C5orf34: variants seen among roughly 807,000 people sequenced by gnomAD.
The protein encoded by C5orf34 is uncharacterized protein C5orf34.
A neutral mutation model predicts 78.4 loss-of-function variants in C5orf34; 73 were observed. That is an observed-to-expected ratio of 0.93 (90% CI 0.77 to 1.13). C5orf34 has a LOEUF of 1.13. Among genes scored for constraint, C5orf34 ranks in the 50% most tolerant of loss-of-function variants. The pLI, the probability that C5orf34 is intolerant of heterozygous loss-of-function variation, is 0.00. For missense variants in C5orf34, 730 were observed against 732.7 expected, an observed-to-expected ratio of 1.00 and a Z score of 0.04; for synonymous variants, 251 against 246.6, an observed-to-expected ratio of 1.02 and a Z score of -0.17.
At chr5:43,492,077 G>A in intron 10 of C5orf34, 138 bp downstream of exon 10, 1 of 463,488 alleles carries the variant, frequency 2.2e-6, no homozygotes, top group Non-Finnish European at 3.9e-6. Flanking sequence ...TATCAACTCT[G>A]AAACGACTGA....
chr5:43,510,869 T>TGGGAA (rs997202683), intron 1 of C5orf34, among the ~76,000 whole-genome samples: 4 of 152,328 alleles, frequency 2.6e-5, no homozygotes, highest in Admixed American at 2.6e-4. Flanking sequence ...CCACCCCATC[T>TGGGAA]GGGAAGTGAG....
At chr5:43,510,939 C>T (rs190128658) in intron 1 of C5orf34, 1 of 200,274 alleles carries the variant, frequency 5.0e-6, no homozygotes, top group Non-Finnish European at 1.0e-5. Flanking sequence ...GCCCGACTGC[C>T]CAGTCTGGGA....
intron 5 of C5orf34, among the ~76,000 whole-genome samples, chr5:43,503,190 T>C (rs921830885): frequency 3.5e-4 from 53 of 152,160 alleles, no homozygotes; most frequent in African/African-American, 1.2e-3. Context: ...TGTCCTTTGT[T>C]GTGGGGTATG....
At position 43,492,758 on chromosome 5, in the gene C5orf34, G is replaced by A; in HGVS notation, c.1447C>T (p.Leu483=). The part of the protein sequence containing the change: ...AIFLDGITLT[L]NWNFSSPIEK... ...ATAGGAGAGCTGAAATTCCAATTTA[G>A]GGTTAGAGTAATGCCATCTAAAAAG... Residue 483 remains leucine (L), a synonymous_variant, in exon 9 of 13, where the codon CTA becomes TTA. Coordinates refer to ENST00000306862, the MANE Select transcript of C5orf34 (RefSeq NM_198566.4). The A allele has an allele frequency of 1.2e-6, 2 of 1,612,900 alleles. No homozygotes were observed. Among genetic ancestry groups the A allele is most frequent in the Non-Finnish European group, 1.7e-6 (2 of 1,179,344 alleles).
intron 10 of C5orf34, 27 bp from the exon 11 acceptor site, chr5:43,490,756 C>T: frequency 8.4e-7 from 1 of 1,187,630 alleles, no homozygotes; most frequent in Non-Finnish European, 1.2e-6. Flanking sequence ...AAAAGAAATA[C>T]TTGAAAAATG....
At chr5:43,499,900 G>A (rs1745688184) in intron 6 of C5orf34, among the ~76,000 whole-genome samples, 1 of 152,088 alleles carries the variant, frequency 6.6e-6, no homozygotes, top group African/African-American at 2.4e-5. Flanking sequence ...GGTTGCTTCT[G>A]ATTTTTTGCT....
At position 43,513,310 on chromosome 5, in the gene C5orf34, C is replaced by A. The variant is rs977683065; in HGVS notation, c.-37+1496G>T. ...TGCCTGCTAGACCGCTCTCTATGTC[C>A]CTGTCCCATAGATAAATCAAACTCA... is the stretch of plus-strand genomic sequence containing the variant. On this transcript the variant is annotated intron_variant, in intron 1 of 12. Coordinates refer to ENST00000306862, the MANE Select transcript of C5orf34 (RefSeq NM_198566.4). Among the ~76,000 whole-genome samples the A allele has an allele frequency of 2.0e-5, 3 of 152,156 alleles. No individual in the cohort carries two copies. In the East Asian group the frequency reaches 5.8e-4, roughly 29 times the overall value.
At chr5:43,503,120 T>C (rs546079525) in intron 5 of C5orf34, among the ~76,000 whole-genome samples, 2 of 152,366 alleles carry the variant, frequency 1.3e-5, no homozygotes, top group East Asian at 3.9e-4. Flanking sequence ...TCTTCTAGCA[T>C]TGTTCATGGA....
chr5:43,487,488 A>C (rs1745111663), intron 12 of C5orf34, among the ~76,000 whole-genome samples: 1 of 152,114 alleles, frequency 6.6e-6, no homozygotes, highest in African/African-American at 2.4e-5. Context: ...AGAGTGAAAA[A>C]CCTGTTCGCT....
At chr5:43,509,834 T>C (rs181920272) in intron 1 of C5orf34, among the ~76,000 whole-genome samples, 128 of 151,536 alleles carry the variant, frequency 8.4e-4, no homozygotes, top group African/African-American at 2.9e-3. Flanking sequence ...CGGCTCACTG[T>C]AACCTCTGCC....
chr5:43,495,771 C>T (rs1745490063), intron 6 of C5orf34: 6 of 1,581,558 alleles, frequency 3.8e-6, no homozygotes, highest in Non-Finnish European at 5.2e-6. Flanking sequence ...TCCAGAGCCT[C>T]AAGCAGCATG....
chr5:43,487,541 G>A (rs1360088117), intron 12 of C5orf34, among the ~76,000 whole-genome samples: 1 of 151,962 alleles, frequency 6.6e-6, no homozygotes, highest in Non-Finnish European at 1.5e-5. Context: ...AAAACCACAA[G>A]AGAAAACAAA....
intron 11 of C5orf34, chr5:43,488,587 C>A (rs1404604522): frequency 1.3e-5 from 2 of 151,928 alleles, no homozygotes; most frequent in African/African-American, 2.4e-5. Context: ...TTATTAAATT[C>A]TTTCTGGAAT....
At chr5:43,503,435 C>T (rs1745845970) in intron 5 of C5orf34, among the ~76,000 whole-genome samples, 1 of 152,154 alleles carries the variant, frequency 6.6e-6, no homozygotes, top group Non-Finnish European at 1.5e-5. Flanking sequence ...TTTGGAGGTA[C>T]CACATAAGTC....
intron 6 of C5orf34, among the ~76,000 whole-genome samples, chr5:43,498,660 C>T (rs565541711): frequency 2.0e-5 from 3 of 152,300 alleles, no homozygotes; most frequent in Admixed American, 6.5e-5. Flanking sequence ...CCTACCACTG[C>T]CTGGCCTTCA....
intron 11 of C5orf34, chr5:43,488,427 C>A (rs1476981508): frequency 1.3e-5 from 2 of 152,970 alleles, no homozygotes; most frequent in Admixed American, 1.3e-4. Flanking sequence ...CTCTTCCTAC[C>A]TAGATTGTTT....
intron 2 of C5orf34, 135 bp downstream of exon 2, chr5:43,509,010 C>T: frequency 1.5e-6 from 1 of 667,112 alleles, no homozygotes. Flanking sequence ...GAGGCTGAGG[C>T]AGGAGAATCA....
intron 11 of C5orf34, among the ~76,000 whole-genome samples, chr5:43,490,160 A>G (rs1745221617): frequency 6.6e-6 from 1 of 152,206 alleles, no homozygotes; most frequent in South Asian, 2.1e-4. Flanking sequence ...CACACTGAAA[A>G]GCACACAGGA....
chr5:43,500,165 C>T (rs140817837), intron 6 of C5orf34, among the ~76,000 whole-genome samples: 111 of 152,252 alleles, frequency 7.3e-4, no homozygotes, highest in African/African-American at 2.5e-3. Context: ...AATGTTATGT[C>T]ATTGATATTT....
Sources: allele counts gnomAD v4.1 joint callset (sites outside exome capture counted in the v4.1 genomes callset), GRCh38; gene constraint gnomAD v4.1.1; transcripts MANE v1.5; gene names NCBI Gene and HGNC (gene_info 2026-07-23, HGNC 2026-07-21).